Variants in ZCCHC7 observed in about 807,000 individuals in gnomAD.
ZCCHC7 encodes the protein zinc finger CCHC domain-containing protein 7.
In ZCCHC7, 35 loss-of-function variants were observed where a neutral mutation model predicts 52.0. The ratio of observed to expected loss-of-function variants is 0.67; its 90% CI spans 0.51 to 0.89. The LOEUF is 0.89. Among genes scored for constraint, ZCCHC7 ranks in the 40% least tolerant of loss-of-function variants. The probability of loss-of-function intolerance (pLI) is 0.00; values close to 1 mark genes in which losing one functional copy is unlikely to be tolerated. For synonymous variants in ZCCHC7, 217 were observed against 221.5 expected, an observed-to-expected ratio of 0.98 and a Z score of 0.18; for missense variants, 574 against 649.1, an observed-to-expected ratio of 0.88 and a Z score of 1.26.
intron 2 of ZCCHC7, among the ~76,000 whole-genome samples, chr9:37,170,508 G>C (rs1821671677): frequency 6.6e-6 from 1 of 152,144 alleles, no homozygotes. Flanking sequence ...AAAATTGTCT[G>C]TTTGTTTGGG....
At chr9:37,275,842 G>A (rs1338385251) in intron 2 of ZCCHC7, among the ~76,000 whole-genome samples, 1 of 152,082 alleles carries the variant, frequency 6.6e-6, no homozygotes, top group Non-Finnish European at 1.5e-5. Context: ...TAGACACGGA[G>A]TTTCACCATG....
At chr9:37,123,790 GA>G (rs1311993834) in intron 1 of ZCCHC7, among the ~76,000 whole-genome samples, 1 of 152,118 alleles carries the variant, frequency 6.6e-6, no homozygotes, top group Non-Finnish European at 1.5e-5. Context: ...AAAAGGAAAG[GA>G]TTCATCTTTT....
intron 2 of ZCCHC7, among the ~76,000 whole-genome samples, chr9:37,237,026 T>C (rs1225075681): frequency 6.6e-6 from 1 of 152,226 alleles, no homozygotes; most frequent in Non-Finnish European, 1.5e-5. Flanking sequence ...CAGTTCCTTC[T>C]ACGCTAGCTT....
intron 2 of ZCCHC7, among the ~76,000 whole-genome samples, chr9:37,201,933 G>A (rs943250602): frequency 6.6e-5 from 10 of 152,160 alleles, no homozygotes; most frequent in Non-Finnish European, 1.2e-4. Flanking sequence ...CATCCTAAAT[G>A]TAAATCCAAT....
intron 5 of ZCCHC7, among the ~76,000 whole-genome samples, chr9:37,324,776 A>G (rs1830175063): frequency 6.6e-6 from 1 of 152,208 alleles, no homozygotes; most frequent in African/African-American, 2.4e-5. Context: ...AAGGCAGACA[A>G]CTGGCCAAGG....
In ZCCHC7 at chr9:37,349,242, T is replaced by A. The variant is rs1021760552; in HGVS notation, c.988-115T>A. 6 of 973,930 alleles carry A rather than the reference T, an allele frequency of 6.2e-6. No homozygotes were observed. The African/African-American group carries it at 9.8e-5, about 16-fold the overall frequency. The allele number at this position is 973,930 out of a possible 1,614,324, so 60.3% of individuals were successfully genotyped here. A position where few individuals can be genotyped will look rare whatever the true frequency, so the allele number is the denominator to read the frequency against. ...GGAATCGCCTGAATACAGGTCTCCATACAAAACTCTAAGAAACTTCTAAGG... is the reference window on the plus strand; with the variant it reads ...GGAATCGCCTGAATACAGGTCTCCAAACAAAACTCTAAGAAACTTCTAAGG... On this transcript the variant is annotated intron_variant, in intron 6 of 8. Transcript: ENST00000336755.
intron 2 of ZCCHC7, among the ~76,000 whole-genome samples, chr9:37,136,102 C>T (rs1326738922): frequency 6.6e-6 from 1 of 152,108 alleles, no homozygotes; most frequent in Admixed American, 6.6e-5. Context: ...GATATATCTA[C>T]TTATCTCTCA....
intron 3 of ZCCHC7, among the ~76,000 whole-genome samples, chr9:37,303,630 C>T (rs1476443814): frequency 8.2e-5 from 12 of 145,702 alleles, no homozygotes; most frequent in Non-Finnish European, 1.5e-4. Flanking sequence ...ACCTTTATGG[C>T]ACCTCCTTTT....
intron 2 of ZCCHC7, among the ~76,000 whole-genome samples, chr9:37,181,327 A>G (rs1262415531): frequency 6.6e-6 from 1 of 152,186 alleles, no homozygotes; most frequent in Non-Finnish European, 1.5e-5. Context: ...ACTACTTCAA[A>G]TTGTTTCATC....
chr9:37,202,783 T>C (rs1823706200), intron 2 of ZCCHC7, among the ~76,000 whole-genome samples: 3 of 152,256 alleles, frequency 2.0e-5, no homozygotes, highest in Admixed American at 2.0e-4. Flanking sequence ...CGCCCGGCCC[T>C]TATAAACTAC....
At chr9:37,331,134 T>C (rs1479387516) in intron 6 of ZCCHC7, among the ~76,000 whole-genome samples, 2 of 151,662 alleles carry the variant, frequency 1.3e-5, no homozygotes, top group Admixed American at 1.3e-4. Context: ...AATGTAACTG[T>C]TTTAGAAGAA....
At chr9:37,178,363 CCT>C in intron 2 of ZCCHC7, among the ~76,000 whole-genome samples, 1 of 149,722 alleles carries the variant, frequency 6.7e-6, no homozygotes, top group South Asian at 2.1e-4. Flanking sequence ...CCCCACCTCC[CCT>C]CTCAAACCCA....
chr9:37,305,611 G>GCGAATACTGTC lies in ZCCHC7; in HGVS notation c.850_860dup (p.Val288AsnfsTer29). 1 of 1,614,038 alleles carries GCGAATACTGTC rather than the reference G, an allele frequency of 6.2e-7. No individual in the cohort carries two copies. The highest frequency in any genetic ancestry group is 8.5e-7 in the Non-Finnish European group (1 of 1,179,994). ...CTGTATTCCTGTCCAGCCCCCCTTT[G>GCGAATACTGTC]CGAATACTGTCCTGTGCCTAAGATG... is the stretch of plus-strand genomic sequence containing the variant. On this transcript the variant is annotated frameshift_variant, in exon 5 of 9. Transcript: ENST00000336755. LOFTEE classifies it high-confidence loss of function.
intron 2 of ZCCHC7, among the ~76,000 whole-genome samples, chr9:37,218,910 T>A (rs1226785245): frequency 6.6e-6 from 1 of 151,572 alleles, no homozygotes; most frequent in Non-Finnish European, 1.5e-5. Context: ...CTCTGCAGTC[T>A]TTTTTCTCCT....
chr9:37,199,362 A>G (rs528562620), intron 2 of ZCCHC7, among the ~76,000 whole-genome samples: 1 of 112,450 alleles, frequency 8.9e-6, no homozygotes, highest in African/African-American at 3.5e-5. Context: ...ACGGAGCTTC[A>G]CTCTTGTTGC....
At chr9:37,342,431 A>G (rs1370310316) in intron 6 of ZCCHC7, among the ~76,000 whole-genome samples, 1 of 152,240 alleles carries the variant, frequency 6.6e-6, no homozygotes, top group Admixed American at 6.5e-5. Context: ...AAGGCTGAAG[A>G]TAGAATTTTA....
chr9:37,278,534 C>G (rs1489596329), intron 2 of ZCCHC7, among the ~76,000 whole-genome samples: 1 of 152,084 alleles, frequency 6.6e-6, no homozygotes, highest in African/African-American at 2.4e-5. Context: ...TAATATGTGT[C>G]ATTGGAGTCC....
chr9:37,240,780 CA>C (rs1422617233), intron 2 of ZCCHC7, among the ~76,000 whole-genome samples: 2 of 151,566 alleles, frequency 1.3e-5, no homozygotes, highest in Non-Finnish European at 3.0e-5. Context: ...TGGAATTAAA[CA>C]AAAAATTTTT....
chr9:37,325,473 C>T (rs1038479501), intron 5 of ZCCHC7, among the ~76,000 whole-genome samples: 2 of 151,984 alleles, frequency 1.3e-5, no homozygotes, highest in African/African-American at 4.8e-5. Context: ...TTATTTTATG[C>T]AATAGGTATA....
Sources: allele counts gnomAD v4.1 joint callset (sites outside exome capture counted in the v4.1 genomes callset), GRCh38; gene constraint gnomAD v4.1.1; transcripts MANE v1.5; gene names NCBI Gene and HGNC (gene_info 2026-07-23, HGNC 2026-07-21).